Variants in TENM2 observed in about 807,000 individuals in gnomAD.
The protein encoded by TENM2 is teneurin transmembrane protein 2, also known as teneurin-2.
Under a neutral mutation model 245.2 loss-of-function variants are expected in TENM2, and 52 were observed. That is an observed-to-expected ratio of 0.21 (90% CI 0.17 to 0.27). The LOEUF is 0.27. Among genes scored for constraint, TENM2 ranks in the 10% least tolerant of loss-of-function variants. The probability of loss-of-function intolerance (pLI) is 1.00; values close to 1 mark genes in which losing one functional copy is unlikely to be tolerated. For missense variants in TENM2, 3,046 were observed against 3,666.8 expected (o/e 0.83, Z 4.37); for synonymous variants, 1,363 against 1,438.9 (o/e 0.95, Z 1.19).
intron 2 of TENM2, among the ~76,000 whole-genome samples, chr5:167,733,958 G>T (rs1760618597): frequency 6.6e-6 from 1 of 152,152 alleles, no homozygotes; most frequent in South Asian, 2.1e-4. Flanking sequence ...CTTACCCAAG[G>T]TCACGTCTCA....
chr5:167,837,806 T>G (rs1040222627), intron 2 of TENM2, among the ~76,000 whole-genome samples: 1 of 110,262 alleles, frequency 9.1e-6, no homozygotes, highest in Non-Finnish European at 1.9e-5. Flanking sequence ...AGGGCTTGGT[T>G]TTTTTTTTTT....
chr5:166,979,229 AGCAGCAGCC>A, the TENM2 span, among the ~76,000 whole-genome samples: 7 of 145,290 alleles, frequency 4.8e-5, no homozygotes, highest in Non-Finnish European at 1.1e-4. Context: ...CAGCAGCAGC[AGCAGCAGCC>A]GCCGCGGCAA....
chr5:167,265,050 G>A, the TENM2 span, among the ~76,000 whole-genome samples: 26 of 152,156 alleles, frequency 1.7e-4, no homozygotes, highest in African/African-American at 5.8e-4. Flanking sequence ...AAAGGTGGCC[G>A]GGAGCGATGG....
chr5:168,243,426 G>A (rs79857674), intron 25 of TENM2, among the ~76,000 whole-genome samples: 3,929 of 152,224 alleles, frequency 0.026, 198 homozygotes, highest in African/African-American at 0.09. Context: ...CCCCACTGAT[G>A]TCTCACATTC....
chr5:166,985,812 A>G, the TENM2 span, among the ~76,000 whole-genome samples: 1 of 152,086 alleles, frequency 6.6e-6, no homozygotes, highest in Admixed American at 6.6e-5. Flanking sequence ...ATTCCTGTCA[A>G]GCTGAGAATC....
chr5:167,639,028 G>C (rs1345130488), intron 2 of TENM2, among the ~76,000 whole-genome samples: 4 of 152,168 alleles, frequency 2.6e-5, no homozygotes, highest in Non-Finnish European at 4.4e-5. Flanking sequence ...TATGATACAA[G>C]CATATCAATC....
intron 10 of TENM2, among the ~76,000 whole-genome samples, chr5:168,120,721 A>G (rs887160262): frequency 6.6e-6 from 1 of 152,246 alleles, no homozygotes; most frequent in Non-Finnish European, 1.5e-5. Context: ...GCTGTTTTCA[A>G]AATAGGAAAT....
intron 4 of TENM2, among the ~76,000 whole-genome samples, chr5:167,960,587 G>A (rs1186285629): frequency 6.7e-6 from 1 of 150,184 alleles, no homozygotes; most frequent in Non-Finnish European, 1.5e-5. Flanking sequence ...TCAGACTGCT[G>A]TGCTGGCAGC....
intron 13 of TENM2, among the ~76,000 whole-genome samples, chr5:168,163,322 A>G (rs1757918869): frequency 6.6e-6 from 1 of 152,258 alleles, no homozygotes; most frequent in Non-Finnish European, 1.5e-5. Context: ...CATGGACCAA[A>G]CCTGGCCTGT....
At chr5:167,973,205 G>A (rs1781927907) in intron 4 of TENM2, among the ~76,000 whole-genome samples, 1 of 152,200 alleles carries the variant, frequency 6.6e-6, no homozygotes, top group African/African-American at 2.4e-5. Context: ...TTGAAAATCT[G>A]GCGAGGAAGA....
intron 4 of TENM2, among the ~76,000 whole-genome samples, chr5:167,955,866 T>A (rs926748809): frequency 1.3e-5 from 2 of 152,220 alleles, no homozygotes; most frequent in Admixed American, 1.3e-4. Context: ...TTTTGGTAAA[T>A]GTAACCTTGT....
At chr5:168,249,123 C>CAAAA (rs566693885) in intron 27 of TENM2, among the ~76,000 whole-genome samples, 1 of 116,576 alleles carries the variant, frequency 8.6e-6, no homozygotes. Flanking sequence ...GACCCTGTCT[C>CAAAA]AAAAAAAAAA....
the TENM2 span, among the ~76,000 whole-genome samples, chr5:167,139,016 T>C: frequency 6.6e-6 from 1 of 152,374 alleles, no homozygotes; most frequent in Admixed American, 6.5e-5. Flanking sequence ...TTAATTTATA[T>C]ACCCATGTAA....
chr5:168,105,671 A>G (rs932330102), intron 9 of TENM2, among the ~76,000 whole-genome samples: 4 of 152,170 alleles, frequency 2.6e-5, no homozygotes, highest in African/African-American at 9.7e-5. Context: ...GAGCAACTTA[A>G]TAGGCAAGCT....
intron 2 of TENM2, among the ~76,000 whole-genome samples, chr5:167,800,729 C>T (rs1392775158): frequency 6.6e-6 from 1 of 152,148 alleles, no homozygotes; most frequent in Admixed American, 6.5e-5. Context: ...TGTGTGTTTT[C>T]CACAAGGCCA....
At chr5:168,203,923 C>G in intron 18 of TENM2, 91 bp downstream of exon 20, 1 of 1,163,508 alleles carries the variant, frequency 8.6e-7, no homozygotes, top group Non-Finnish European at 1.1e-6. Flanking sequence ...TCACACCTCC[C>G]CTTCCCTGGG....
At chr5:167,629,719 TAGAG>T (rs1778739701) in intron 2 of TENM2, among the ~76,000 whole-genome samples, 1 of 152,204 alleles carries the variant, frequency 6.6e-6, no homozygotes. Context: ...CTCAGTGTTA[TAGAG>T]AGAGTCAACT....
At chr5:167,940,855 A>G (rs931006939) in intron 3 of TENM2, among the ~76,000 whole-genome samples, 1 of 152,020 alleles carries the variant, frequency 6.6e-6, no homozygotes. Context: ...CTCTCTCTCT[A>G]TTTCCTTCAG....
the TENM2 span, among the ~76,000 whole-genome samples, chr5:167,109,705 T>C: frequency 6.6e-6 from 1 of 152,128 alleles, no homozygotes; most frequent in South Asian, 2.1e-4. Flanking sequence ...TTAATACAAC[T>C]CACTTCTCAC....
Sources: allele counts gnomAD v4.1 joint callset (sites outside exome capture counted in the v4.1 genomes callset), GRCh38; gene constraint gnomAD v4.1.1; transcripts MANE v1.5; gene names NCBI Gene and HGNC (gene_info 2026-07-23, HGNC 2026-07-21).